Variants in CATSPERT observed in about 807,000 individuals in gnomAD.
CATSPERT encodes the protein catsper channel auxiliary subunit tau, also known as cation channel sperm-associated targeting subunit tau.
chr2:201,491,777 G>C, the CATSPERT span: 1 of 1,537,044 alleles, frequency 6.5e-7, no homozygotes, highest in Non-Finnish European at 8.7e-7. Context: ...TTCATTTTCA[G>C]TGTCTTTTCA....
At chr2:201,569,947 C>T in the CATSPERT span, among the ~76,000 whole-genome samples, 2 of 152,160 alleles carry the variant, frequency 1.3e-5, no homozygotes, top group Non-Finnish European at 2.9e-5. Flanking sequence ...CTTTCGGAGT[C>T]TGAAGTGGTG....
At chr2:201,495,852 A>G in the CATSPERT span, 1 of 1,285,388 alleles carries the variant, frequency 7.8e-7, no homozygotes, top group South Asian at 1.4e-5. Context: ...GAAACCTAGT[A>G]ATTAAGTATA....
the CATSPERT span, chr2:201,604,606 C>T: frequency 6.4e-7 from 1 of 1,574,472 alleles, no homozygotes. Context: ...GTTACTCATA[C>T]ATACCACATC....
the CATSPERT span, chr2:201,493,328 C>A: frequency 6.5e-7 from 1 of 1,536,716 alleles, no homozygotes; most frequent in Non-Finnish European, 8.7e-7. Context: ...ATAAATTCAG[C>A]TCTACTAACA....
At chr2:201,563,712 A>T in the CATSPERT span, among the ~76,000 whole-genome samples, 1 of 152,204 alleles carries the variant, frequency 6.6e-6, no homozygotes. Flanking sequence ...CTTTCAGAAA[A>T]GATACTATGA....
chr2:201,510,086 C>G, the CATSPERT span, among the ~76,000 whole-genome samples: 3 of 150,818 alleles, frequency 2.0e-5, 1 homozygote, highest in African/African-American at 5.0e-5. Flanking sequence ...AGGACACTCT[C>G]TCTCCATGTT....
the CATSPERT span, among the ~76,000 whole-genome samples, chr2:201,594,466 C>T: frequency 2.0e-5 from 3 of 152,134 alleles, no homozygotes; most frequent in Non-Finnish European, 4.4e-5. Context: ...CTTGGAGTTG[C>T]TCTTCTCAAG....
the CATSPERT span, among the ~76,000 whole-genome samples, chr2:201,608,827 A>G: frequency 1.7e-5 from 2 of 118,248 alleles, no homozygotes; most frequent in Non-Finnish European, 4.0e-5. Flanking sequence ...AAAAAAAAAA[A>G]AAGAAAGAAA....
the CATSPERT span, among the ~76,000 whole-genome samples, chr2:201,617,203 A>AG: frequency 2.0e-5 from 3 of 152,170 alleles, no homozygotes; most frequent in African/African-American, 7.2e-5. Context: ...AATTGGAAAA[A>AG]ATACTTTAAA....
chr2:201,591,922 C>T, the CATSPERT span, among the ~76,000 whole-genome samples: 545 of 151,896 alleles, frequency 3.6e-3, 7 homozygotes, highest in African/African-American at 0.012. Context: ...ACAATCATGT[C>T]GTCTGCAAAC....
At chr2:201,618,004 A>G in the CATSPERT span, among the ~76,000 whole-genome samples, 1 of 152,200 alleles carries the variant, frequency 6.6e-6, no homozygotes, top group East Asian at 1.9e-4. Context: ...CAAAACCACA[A>G]TGAGATACCA....
chr2:201,544,320 C>T, the CATSPERT span, among the ~76,000 whole-genome samples: 1,104 of 152,204 alleles, frequency 7.3e-3, 8 homozygotes, highest in African/African-American at 0.025. Context: ...AATAAACATA[C>T]GTGTGCATGT....
chr2:201,551,764 C>T, the CATSPERT span, among the ~76,000 whole-genome samples: 77 of 152,076 alleles, frequency 5.1e-4, no homozygotes, highest in African/African-American at 1.8e-3. Context: ...AAATATTAGC[C>T]GGGCATGGTG....
chr2:201,606,995 C>T, the CATSPERT span, among the ~76,000 whole-genome samples: 1 of 151,018 alleles, frequency 6.6e-6, no homozygotes, highest in Admixed American at 6.6e-5. Context: ...CTACAGAAAC[C>T]ACCAAACAAC....
At chr2:201,494,488 A>G in the CATSPERT span, 1 of 1,537,028 alleles carries the variant, frequency 6.5e-7, no homozygotes, top group Non-Finnish European at 8.7e-7. Context: ...TAAACCCTTT[A>G]TTGTATTGAT....
At chr2:201,588,129 C>T in the CATSPERT span, among the ~76,000 whole-genome samples, 2 of 152,082 alleles carry the variant, frequency 1.3e-5, no homozygotes, top group African/African-American at 4.8e-5. Flanking sequence ...GAAGGGACGC[C>T]TCCCTAACTC....
At chr2:201,599,402 T>A in the CATSPERT span, among the ~76,000 whole-genome samples, 9,422 of 152,248 alleles carry the variant, frequency 0.062, 376 homozygotes, top group Middle Eastern at 0.11. Context: ...CTGCATATTG[T>A]GGAAGAAAAA....
chr2:201,530,631 G>A, the CATSPERT span, among the ~76,000 whole-genome samples: 1 of 152,160 alleles, frequency 6.6e-6, no homozygotes, highest in Admixed American at 6.5e-5. Context: ...AAATATAAAT[G>A]GATGAATCGG....
the CATSPERT span, among the ~76,000 whole-genome samples, chr2:201,610,990 T>C: frequency 6.6e-6 from 1 of 152,082 alleles, no homozygotes; most frequent in Non-Finnish European, 1.5e-5. Flanking sequence ...ATAAAGCCCA[T>C]ATATAACAAA....
Sources: allele counts gnomAD v4.1 joint callset (sites outside exome capture counted in the v4.1 genomes callset), GRCh38; gene constraint gnomAD v4.1.1; transcripts MANE v1.5; gene names NCBI Gene and HGNC (gene_info 2026-07-23, HGNC 2026-07-21).